The following HS3ST4 variants were observed in gnomAD, a reference collection of about 807,000 sequenced individuals.
HS3ST4 encodes the protein heparan sulfate glucosamine 3-O-sulfotransferase 4.
In HS3ST4, 17 loss-of-function variants were observed where a neutral mutation model predicts 29.2. The observed-to-expected ratio is 0.58, with a 90% confidence interval of 0.40 to 0.87. HS3ST4 has a LOEUF of 0.87. HS3ST4 is among the 40% of genes least tolerant of loss of function. The pLI is 0.00. For missense variants in HS3ST4, 627 were observed against 634.5 expected, an observed-to-expected ratio of 0.99 and a Z score of 0.13; for synonymous variants, 314 against 285.7, an observed-to-expected ratio of 1.10 and a Z score of -1.00.
intron 1 of HS3ST4, among the ~76,000 whole-genome samples, chr16:25,837,453 TAA>T (rs1377800680): frequency 6.6e-6 from 1 of 152,208 alleles, no homozygotes; most frequent in Non-Finnish European, 1.5e-5. Context: ...ATCTTGTTTT[TAA>T]AAAGACTAGG....
intron 1 of HS3ST4, among the ~76,000 whole-genome samples, chr16:25,969,484 G>T (rs189059005): frequency 6.6e-6 from 1 of 152,208 alleles, no homozygotes; most frequent in East Asian, 1.9e-4. Context: ...TGAAGTGTGC[G>T]TATAAAAGTT....
At chr16:25,742,058 G>A (rs1182682281) in intron 1 of HS3ST4, among the ~76,000 whole-genome samples, 1 of 152,170 alleles carries the variant, frequency 6.6e-6, no homozygotes, top group African/African-American at 2.4e-5. Context: ...GTTACTCTCA[G>A]AGGCAAATGA....
At chr16:25,974,098 C>A (rs772872016) in intron 1 of HS3ST4, among the ~76,000 whole-genome samples, 1 of 152,208 alleles carries the variant, frequency 6.6e-6, no homozygotes. Flanking sequence ...GCTTCTTACA[C>A]GATTGAAAGA....
intron 1 of HS3ST4, among the ~76,000 whole-genome samples, chr16:26,125,401 G>A (rs984890716): frequency 6.6e-6 from 1 of 152,164 alleles, no homozygotes; most frequent in South Asian, 2.1e-4. Context: ...TCACAATAGG[G>A]TTCACACTCC....
chr16:25,880,108 C>T (rs116247597), intron 1 of HS3ST4, among the ~76,000 whole-genome samples: 1 of 152,132 alleles, frequency 6.6e-6, no homozygotes, highest in East Asian at 1.9e-4. Flanking sequence ...ATTGGTAGTA[C>T]AATTATTCAA....
At chr16:25,964,114 G>A (rs950667954) in intron 1 of HS3ST4, among the ~76,000 whole-genome samples, 2 of 151,796 alleles carry the variant, frequency 1.3e-5, no homozygotes, top group Admixed American at 6.6e-5. Flanking sequence ...AGAGGAGGTG[G>A]CAGGGAGCCA....
chr16:25,805,707 TATTTTA>T (rs1360539296), intron 1 of HS3ST4, among the ~76,000 whole-genome samples: 7 of 152,204 alleles, frequency 4.6e-5, no homozygotes, highest in Non-Finnish European at 8.8e-5. Flanking sequence ...AAAAATTTTT[TATTTTA>T]ATTTTAAGTT....
chr16:26,018,495 G>A (rs1171478052), intron 1 of HS3ST4, among the ~76,000 whole-genome samples: 3 of 152,102 alleles, frequency 2.0e-5, no homozygotes, highest in South Asian at 2.1e-4. Context: ...TGGGGATATC[G>A]TGATGAACCA....
chr16:26,035,872 G>A (rs2141755937), intron 1 of HS3ST4, among the ~76,000 whole-genome samples: 1 of 152,314 alleles, frequency 6.6e-6, no homozygotes, highest in African/African-American at 2.4e-5. Context: ...CCTTGGAGCT[G>A]AAAGTCAAGT....
At chr16:26,081,287 C>CAA (rs11305983) in intron 1 of HS3ST4, among the ~76,000 whole-genome samples, 54,566 of 130,634 alleles carry the variant, frequency 0.42, 10,914 homozygotes, top group Middle Eastern at 0.57. Flanking sequence ...AATCCTGTCT[C>CAA]AAAAAAAAAA....
At chr16:25,966,794 T>C (rs1354320881) in intron 1 of HS3ST4, among the ~76,000 whole-genome samples, 1 of 152,176 alleles carries the variant, frequency 6.6e-6, no homozygotes, top group Non-Finnish European at 1.5e-5. Flanking sequence ...ATGGGAGATA[T>C]GCCTGGAATA....
intron 1 of HS3ST4, among the ~76,000 whole-genome samples, chr16:25,723,637 C>T (rs1247882279): frequency 1.3e-5 from 2 of 152,196 alleles, no homozygotes; most frequent in Admixed American, 6.5e-5. Flanking sequence ...ATTTGCCTAA[C>T]AATTTTTTAT....
chr16:26,066,929 A>G (rs1450383053), intron 1 of HS3ST4, among the ~76,000 whole-genome samples: 1 of 152,176 alleles, frequency 6.6e-6, no homozygotes, highest in African/African-American at 2.4e-5. Flanking sequence ...AGCAAATTTT[A>G]TGTAGTAAAT....
At chr16:25,968,630 C>T (rs1241826707) in intron 1 of HS3ST4, among the ~76,000 whole-genome samples, 5 of 152,172 alleles carry the variant, frequency 3.3e-5, no homozygotes, top group Non-Finnish European at 5.9e-5. Context: ...TCTGGGTTCA[C>T]AGGCTGTCTC....
rs945264251 is a variant in HS3ST4 at position 25,974,712 on chromosome 16, A to G, written c.735-160900A>G. On this transcript the variant is annotated intron_variant, in intron 1 of 1. Coordinates refer to ENST00000331351, the MANE Select transcript of HS3ST4 (RefSeq NM_006040.3). ...GATAAGCAATTTTAATTTTCTTTGT[A>G]TATTTTTCTTTATTTTCTGAATTTT... Among the ~76,000 whole-genome samples the G allele has an allele frequency of 3.3e-5, 5 of 152,206 alleles. 1 individual carries two copies. The highest frequency in any genetic ancestry group is 4.8e-5 in the African/African-American group (2 of 41,458).
intron 1 of HS3ST4, among the ~76,000 whole-genome samples, chr16:25,983,050 A>G (rs1437736982): frequency 6.6e-6 from 1 of 152,156 alleles, no homozygotes; most frequent in Non-Finnish European, 1.5e-5. Context: ...GTGGAGGGAG[A>G]TATGTGATGT....
intron 1 of HS3ST4, among the ~76,000 whole-genome samples, chr16:25,829,737 C>A (rs904234000): frequency 6.2e-5 from 9 of 146,128 alleles, no homozygotes; most frequent in East Asian, 1.9e-4. Flanking sequence ...CATGTCCCTG[C>A]AAAGGACATG....
chr16:25,999,350 G>A (rs1341523909), intron 1 of HS3ST4, among the ~76,000 whole-genome samples: 5 of 152,040 alleles, frequency 3.3e-5, no homozygotes, highest in Admixed American at 3.3e-4. Context: ...GTGCTGCTAG[G>A]GTTAGCTGTG....
chr16:26,062,096 G>A (rs1270905911), intron 1 of HS3ST4, among the ~76,000 whole-genome samples: 2 of 152,106 alleles, frequency 1.3e-5, no homozygotes, highest in African/African-American at 4.8e-5. Context: ...GGCTAAAAAT[G>A]GACAAAAAGA....
Sources: allele counts gnomAD v4.1 joint callset (sites outside exome capture counted in the v4.1 genomes callset), GRCh38; gene constraint gnomAD v4.1.1; transcripts MANE v1.5; gene names NCBI Gene and HGNC (gene_info 2026-07-23, HGNC 2026-07-21).